The following DNAJB6 variants were observed in gnomAD, a reference collection of about 807,000 sequenced individuals.
DNAJB6 encodes the protein dnaJ homolog subfamily B member 6.
Under a neutral mutation model 42.7 loss-of-function variants are expected in DNAJB6, and 16 were observed. That is an observed-to-expected ratio of 0.37 (90% CI 0.25 to 0.57). DNAJB6 has a LOEUF of 0.57. DNAJB6 is among the 20% of genes least tolerant of loss of function. The pLI is 0.74. For missense variants in DNAJB6, 347 were observed against 416.8 expected (o/e 0.83, Z 1.46); for synonymous variants, 170 against 163.5 (o/e 1.04, Z -0.30).
chr7:157,416,162 C>A lies in DNAJB6; in HGVS notation c.*64C>A, dbSNP rs562936080. 1.5e-4 allele frequency: 236 copies of A among 1,573,934 alleles called. 1 individual carries two copies. Among genetic ancestry groups the A allele is most frequent in the Non-Finnish European group, 2.0e-4 (226 of 1,158,794 alleles). On this transcript the variant is annotated 3_prime_UTR_variant, in exon 10 of 10. Transcript: ENST00000262177. ...CGCTCCACCGTGCTCGGCATGCGGT[C>A]GTGCACACGCGCTAGGTAGCAGCGT...
chr7:157,361,813 G>A (rs191472750), intron 2 of DNAJB6, among the ~76,000 whole-genome samples: 1 of 152,146 alleles, frequency 6.6e-6, no homozygotes, highest in Non-Finnish European at 1.5e-5. Flanking sequence ...CTGTCACCTA[G>A]CCTGGAGTTC....
chr7:157,348,967 T>G (rs1050696342), intron 1 of DNAJB6, among the ~76,000 whole-genome samples: 2 of 152,200 alleles, frequency 1.3e-5, no homozygotes, highest in Non-Finnish European at 2.9e-5. Flanking sequence ...GTCAGTAAAA[T>G]GTCAGTGTTA....
intron 1 of DNAJB6, among the ~76,000 whole-genome samples, chr7:157,338,643 C>A (rs1355454495): frequency 2.6e-5 from 4 of 152,224 alleles, no homozygotes; most frequent in Admixed American, 2.0e-4. Context: ...CGACTCCAGA[C>A]TTGTTTCCAC....
chr7:157,366,758 A>G (rs1462079724), intron 4 of DNAJB6, among the ~76,000 whole-genome samples, 197 bp downstream of exon 4: 1 of 152,126 alleles, frequency 6.6e-6, no homozygotes, highest in East Asian at 1.9e-4. Context: ...GTATATGTTG[A>G]TGTATTTTTT....
At chr7:157,407,721 G>C (rs1795823930) in intron 8 of DNAJB6, among the ~76,000 whole-genome samples, 1 of 152,174 alleles carries the variant, frequency 6.6e-6, no homozygotes, top group Admixed American at 6.5e-5. Flanking sequence ...GCCCCTTTGA[G>C]TTCGAAGGTC....
At position 157,349,042 on chromosome 7, in the gene DNAJB6, A is replaced by C. The variant is rs142493166; in HGVS notation, c.-26-9505A>C. ...CACTCTGTGCATATTTGTCTTTTTA[A>C]ATTTTTTTTTATTTTTTGTGTAGAT... On this transcript the variant is annotated intron_variant, in intron 1 of 9. Transcript: ENST00000262177. Among the ~76,000 whole-genome samples the C allele has an allele frequency of 5.4e-3, 814 of 151,866 alleles. 12 individuals are homozygous for C. The highest frequency in any genetic ancestry group is 0.018 in the African/African-American group (753 of 41,398).
intron 5 of DNAJB6, among the ~76,000 whole-genome samples, chr7:157,376,856 G>T (rs1195306597): frequency 6.6e-6 from 1 of 152,182 alleles, no homozygotes; most frequent in Non-Finnish European, 1.5e-5. Context: ...CTCCAGCCTG[G>T]GCGACAGAGC....
intron 8 of DNAJB6, among the ~76,000 whole-genome samples, chr7:157,402,265 A>G (rs1459518668): frequency 6.6e-6 from 1 of 152,084 alleles, no homozygotes; most frequent in East Asian, 1.9e-4. Context: ...CCTTGTCCTC[A>G]TTTTAAAGAC....
intron 1 of DNAJB6, among the ~76,000 whole-genome samples, chr7:157,343,976 T>C (rs1345994320): frequency 2.0e-5 from 3 of 152,210 alleles, no homozygotes; most frequent in Non-Finnish European, 4.4e-5. Flanking sequence ...TTGAAAAGTT[T>C]TCTATGGCTT....
At chr7:157,364,258 C>G (rs1799743203) in intron 3 of DNAJB6, among the ~76,000 whole-genome samples, 2 of 152,120 alleles carry the variant, frequency 1.3e-5, no homozygotes, top group South Asian at 2.1e-4. Flanking sequence ...AGCTTGCCAC[C>G]TTCAACAGCT....
chr7:157,350,882 A>G (rs1286398210), intron 1 of DNAJB6, among the ~76,000 whole-genome samples: 1 of 149,826 alleles, frequency 6.7e-6, no homozygotes, highest in Non-Finnish European at 1.5e-5. Flanking sequence ...TTTAATTCTG[A>G]GATTCTGTGG....
At chr7:157,348,787 C>T (rs1319753905) in intron 1 of DNAJB6, among the ~76,000 whole-genome samples, 8 of 152,162 alleles carry the variant, frequency 5.3e-5, no homozygotes. Context: ...ACTCCCTCCC[C>T]TCCCTCTTAC....
intron 5 of DNAJB6, among the ~76,000 whole-genome samples, chr7:157,375,606 A>T (rs943349987): frequency 6.6e-6 from 1 of 152,232 alleles, no homozygotes; most frequent in Non-Finnish European, 1.5e-5. Context: ...CAGTGGAGAG[A>T]AACACTGAAG....
intron 5 of DNAJB6, among the ~76,000 whole-genome samples, chr7:157,374,043 A>G (rs1238965619): frequency 6.6e-6 from 1 of 152,178 alleles, no homozygotes; most frequent in Non-Finnish European, 1.5e-5. Context: ...AGGTTAAAAA[A>G]TGAAACCGTG....
At chr7:157,402,064 CTGTTG>C (rs1795541001) in intron 8 of DNAJB6, among the ~76,000 whole-genome samples, 1 of 152,240 alleles carries the variant, frequency 6.6e-6, no homozygotes, top group Non-Finnish European at 1.5e-5. Flanking sequence ...CTTCAGGCTG[CTGTTG>C]TGTTGAGAGT....
chr7:157,407,276 G>A (rs373958300), intron 8 of DNAJB6, among the ~76,000 whole-genome samples: 23 of 152,220 alleles, frequency 1.5e-4, no homozygotes, highest in African/African-American at 5.3e-4. Flanking sequence ...CCCTGGGCAC[G>A]GGGGGCTGTG....
intron 2 of DNAJB6, among the ~76,000 whole-genome samples, chr7:157,359,347 T>C (rs1167309577): frequency 6.6e-6 from 1 of 152,210 alleles, no homozygotes; most frequent in Non-Finnish European, 1.5e-5. Flanking sequence ...AGAATTAACT[T>C]TTTTGGGGGC....
chr7:157,371,296 T>G (rs1800198663), intron 5 of DNAJB6, among the ~76,000 whole-genome samples: 2 of 152,242 alleles, frequency 1.3e-5, no homozygotes, highest in Admixed American at 6.5e-5. Context: ...AAAAAGTAGT[T>G]TAAAATGTGC....
intron 5 of DNAJB6, chr7:157,379,811 T>C (rs1346328179): frequency 1.2e-4 from 4 of 34,592 alleles, no homozygotes; most frequent in Non-Finnish European, 3.0e-4. Flanking sequence ...ATGCCTTTTT[T>C]TTTTTTTTTT....
Sources: gnomAD v4.1 joint callset for allele counts (sites outside exome capture counted in the v4.1 genomes callset) on GRCh38, gnomAD v4.1.1 for gene constraint, MANE v1.5 for transcripts, NCBI Gene and HGNC (gene_info 2026-07-23, HGNC 2026-07-21) for gene names.